Variants in HS1BP3 observed in about 807,000 individuals in gnomAD.
The protein encoded by HS1BP3 is HCLS1 binding protein 3.
In HS1BP3, 32 loss-of-function variants were observed where a neutral mutation model predicts 33.5. The observed-to-expected ratio is 0.95, with a 90% CI of 0.72 to 1.28. The LOEUF is 1.28. Among genes scored for constraint, HS1BP3 ranks in the 50% most tolerant of loss-of-function variants. The pLI is 0.00. For synonymous variants in HS1BP3, 187 were observed against 209.2 expected (o/e 0.89, Z 0.92); for missense variants, 486 against 502.3 (o/e 0.97, Z 0.31).
chr2:20,633,783 AG>A (rs1695036341), intron 4 of HS1BP3, among the ~76,000 whole-genome samples: 2 of 152,212 alleles, frequency 1.3e-5, no homozygotes. Context: ...TCAGCTGCCC[AG>A]AGTGCTGGGA....
chr2:20,583,813 C>T (rs1180931688), intron 5 of HS1BP3, among the ~76,000 whole-genome samples: 11 of 152,162 alleles, frequency 7.2e-5, no homozygotes, highest in Admixed American at 5.9e-4. Flanking sequence ...CTCAGTGGAC[C>T]GTGCTGTCAG....
At position 20,618,846 on chromosome 2, in the gene HS1BP3, A is replaced by G; in HGVS notation, c.*141T>C. On this transcript the variant is annotated 3_prime_UTR_variant, in exon 7 of 7. Transcript: ENST00000304031. ...AGCCCCGGAGAAAATGGAACCATGC[A>G]GTTCTGGGTGCTGTGACCCAGGCTT... 7.0e-7 allele frequency: 1 copy of G among 1,434,242 alleles called. No homozygotes were observed. The highest frequency in any genetic ancestry group is 9.1e-7 in the Non-Finnish European group (1 of 1,097,464). 88.8% of individuals were successfully genotyped at this position (1,434,242 alleles called of 1,614,324 possible). A position where few individuals can be genotyped will look rare whatever the true frequency, so the allele number is the denominator to read the frequency against.
At chr2:20,637,487 G>C (rs955241631) in intron 4 of HS1BP3, 2 of 152,276 alleles carry the variant, frequency 1.3e-5, no homozygotes, top group African/African-American at 4.8e-5. Context: ...GGTGCCGCAG[G>C]ACCCCAGATC....
At chr2:20,626,480 T>C (rs1229505144) in intron 4 of HS1BP3, among the ~76,000 whole-genome samples, 2 of 152,234 alleles carry the variant, frequency 1.3e-5, no homozygotes, top group South Asian at 2.1e-4. Context: ...GGGTCTAGAT[T>C]GAGGATGGTC....
rs557297004 is a variant in HS1BP3, at chr2:20,610,432, T to C, written c.179-12167A>G. 1.1e-4 allele frequency among the ~76,000 whole-genome samples: 17 copies of C among 152,310 alleles called. No individual in the cohort carries two copies. In the South Asian group the frequency reaches 3.5e-3, roughly 32 times the overall value. On this transcript the variant is annotated intron_variant, in intron 2 of 3. Transcript: ENST00000415264. The stretch of plus-strand genomic sequence containing the variant: ...CTTTTTATGGTCTCTGTGGTTTTGC[T>C]TTTTCCAGGTCAGATAGCTGGAATC...
intron 5 of HS1BP3, among the ~76,000 whole-genome samples, chr2:20,579,123 A>G (rs922526376): frequency 1.3e-5 from 2 of 152,256 alleles, no homozygotes; most frequent in Admixed American, 6.5e-5. Context: ...TAAGTCCAGG[A>G]AACTCTACAG....
At chr2:20,586,361 T>C (rs1271209317) in intron 5 of HS1BP3, 2 of 152,204 alleles carry the variant, frequency 1.3e-5, no homozygotes, top group Non-Finnish European at 2.9e-5. Context: ...GGCTTCCCCG[T>C]CCAGTTTCTC....
At chr2:20,610,361 C>T (rs1422462397) in intron 2 of HS1BP3, among the ~76,000 whole-genome samples, 1 of 152,120 alleles carries the variant, frequency 6.6e-6, no homozygotes. Context: ...CTCTGTGCTC[C>T]TCCTATTCAT....
chr2:20,557,281 G>T, downstream of HS1BP3, among the ~76,000 whole-genome samples: 1 of 152,136 alleles, frequency 6.6e-6, no homozygotes, highest in East Asian at 1.9e-4. Flanking sequence ...TTTCATAAGG[G>T]TATTTTAGGA....
downstream of HS1BP3, among the ~76,000 whole-genome samples, chr2:20,556,207 G>A (rs1004629822): frequency 1.3e-5 from 2 of 152,168 alleles, no homozygotes; most frequent in African/African-American, 4.8e-5. Context: ...TATGAGAACT[G>A]ATACATTTAG....
intron 4 of HS1BP3, among the ~76,000 whole-genome samples, chr2:20,626,021 T>C (rs1371142376): frequency 6.6e-6 from 1 of 152,206 alleles, no homozygotes; most frequent in Admixed American, 6.5e-5. Context: ...TCCGTGTGCC[T>C]GTCCGCCTGG....
intron 2 of HS1BP3, 110 bp downstream of exon 2, chr2:20,645,226 AACAG>A (rs1202733552): frequency 1.9e-6 from 2 of 1,072,976 alleles, no homozygotes; most frequent in African/African-American, 1.6e-5. Flanking sequence ...CTGAGCAAGC[AACAG>A]ACAGAGAAGC....
downstream of HS1BP3, among the ~76,000 whole-genome samples, chr2:20,616,016 G>A (rs918078935): frequency 2.0e-5 from 3 of 152,220 alleles, no homozygotes; most frequent in African/African-American, 7.2e-5. Flanking sequence ...GGCTTCCTAA[G>A]AGGAACAATG....
intron 2 of HS1BP3, among the ~76,000 whole-genome samples, chr2:20,607,612 G>A (rs1694225207): frequency 6.6e-6 from 1 of 152,200 alleles, no homozygotes. Context: ...TGATCTATAT[G>A]TCTATCCTGT....
At chr2:20,621,058 C>T (rs1694583455) in intron 6 of HS1BP3, among the ~76,000 whole-genome samples, 1 of 152,222 alleles carries the variant, frequency 6.6e-6, no homozygotes, top group South Asian at 2.1e-4. Context: ...GAGCAGACAG[C>T]AGAGGTCTGG....
chr2:20,573,244 G>A (rs191936977), intron 5 of HS1BP3, among the ~76,000 whole-genome samples: 2 of 152,184 alleles, frequency 1.3e-5, no homozygotes, highest in Admixed American at 6.5e-5. Context: ...GAAGCTAGAG[G>A]GGCAAAGCAT....
intron 5 of HS1BP3, among the ~76,000 whole-genome samples, chr2:20,570,312 C>T (rs189845480): frequency 1.4e-4 from 22 of 152,308 alleles, no homozygotes; most frequent in African/African-American, 5.1e-4. Flanking sequence ...AGGGAAAACA[C>T]CTTCCTTCCA....
intron 5 of HS1BP3, among the ~76,000 whole-genome samples, chr2:20,569,864 C>T (rs1444365414): frequency 1.3e-5 from 2 of 152,256 alleles, no homozygotes; most frequent in Admixed American, 1.3e-4. Context: ...CACCGCCTCT[C>T]TCTACTTTCC....
chr2:20,619,116 C>T lies in HS1BP3; in HGVS notation c.1050G>A (p.Ala350=), dbSNP rs374026872. Residue 350 remains alanine (A), a synonymous_variant, in exon 7 of 7, where the codon GCG becomes GCA. Transcript: ENST00000304031. ...GCCCAGCCACAGCTTCAGCCGGGCCCGCTTTGGGGGGAACAGCTGGTTTTC... is the reference window on the plus strand; with the variant it reads ...GCCCAGCCACAGCTTCAGCCGGGCCTGCTTTGGGGGGAACAGCTGGTTTTC... The part of the protein sequence containing the change: ...IPRKPAVPPK[A]GPAEAVAGQQ... 35 of 1,614,188 alleles carry T rather than the reference C, an allele frequency of 2.2e-5. No individual in the cohort carries two copies. The highest frequency in any genetic ancestry group is 1.3e-4 in the East Asian group (6 of 44,886).
Sources: gnomAD v4.1 joint callset for allele counts (sites outside exome capture counted in the v4.1 genomes callset) on GRCh38, gnomAD v4.1.1 for gene constraint, MANE v1.5 for transcripts, NCBI Gene and HGNC (gene_info 2026-07-23, HGNC 2026-07-21) for gene names.